PPP4R2: variants seen among roughly 807,000 people sequenced by gnomAD.
The protein encoded by PPP4R2 is serine/threonine-protein phosphatase 4 regulatory subunit 2.
PPP4R2 carries 13 observed loss-of-function variants against 47.2 expected under a neutral mutation model. That is an observed-to-expected ratio of 0.28 (90% confidence interval 0.18 to 0.44). The LOEUF (loss-of-function observed/expected upper bound fraction) is 0.44. Among genes scored for constraint, PPP4R2 ranks in the 20% least tolerant of loss-of-function variants. PPP4R2 has a pLI of 1.00. For synonymous variants in PPP4R2, 151 were observed against 163.3 expected, an observed-to-expected ratio of 0.92 and a Z score of 0.57; for missense variants, 421 against 491.2, an observed-to-expected ratio of 0.86 and a Z score of 1.35.
chr3:73,048,311 G>A (rs1043133913), intron 3 of PPP4R2, among the ~76,000 whole-genome samples: 1 of 152,204 alleles, frequency 6.6e-6, no homozygotes, highest in Non-Finnish European at 1.5e-5. Context: ...GGAGTGCAGT[G>A]GCATGATCTC....
chr3:73,026,336 T>C (rs1702062336), intron 2 of PPP4R2, among the ~76,000 whole-genome samples: 1 of 152,178 alleles, frequency 6.6e-6, no homozygotes, highest in Admixed American at 6.5e-5. Flanking sequence ...TTTGTGTACA[T>C]TTTTTCTCCC....
In PPP4R2 at chr3:73,003,409, C is replaced by T. The variant is rs959353434; in HGVS notation, c.116+5251C>T. On this transcript the variant is annotated intron_variant, in intron 2 of 8. Transcript: ENST00000356692. ...TGTGTTTTTAGTAGAGACGGGGTTT[C>T]GCTGTGTTGAACAGGCTGTTCTCGA... Among the ~76,000 whole-genome samples the T allele has an allele frequency of 5.3e-5, 8 of 151,988 alleles. No individual in the cohort carries two copies. The East Asian group carries it at 9.7e-4, about 18-fold the overall frequency.
chr3:73,027,693 TG>T (rs1702093564), intron 2 of PPP4R2: 1 of 151,800 alleles, frequency 6.6e-6, no homozygotes, highest in Non-Finnish European at 1.5e-5. Context: ...TGTTTGTGTG[TG>T]TGAATAAATA....
At chr3:73,029,034 C>T (rs890910374) in intron 2 of PPP4R2, among the ~76,000 whole-genome samples, 3 of 152,210 alleles carry the variant, frequency 2.0e-5, no homozygotes, top group Non-Finnish European at 4.4e-5. Flanking sequence ...CAGCCTCGAA[C>T]TCCTGGGCTC....
intron 2 of PPP4R2, among the ~76,000 whole-genome samples, chr3:73,026,612 G>A (rs1482221978): frequency 6.6e-6 from 1 of 152,152 alleles, no homozygotes; most frequent in Non-Finnish European, 1.5e-5. Flanking sequence ...AGCTTATACA[G>A]CCCGCAGGCT....
chr3:73,062,246 A>G (rs374115956), intron 5 of PPP4R2: 236 of 1,599,284 alleles, frequency 1.5e-4, no homozygotes, highest in Non-Finnish European at 1.9e-4. Flanking sequence ...GAAAGGACTC[A>G]CAGCCCAGCA....
intron 4 of PPP4R2, 129 bp downstream of exon 4, chr3:73,059,259 CCCAAATTGTTTT>C (rs1375697852): frequency 1.8e-6 from 1 of 546,750 alleles, no homozygotes; most frequent in African/African-American, 2.0e-5. Context: ...CCTTGAGTTT[CCCAAATTGTTTT>C]CCAAATTGCA....
intron 5 of PPP4R2, chr3:73,061,376 G>A (rs1702855313): frequency 5.8e-6 from 1 of 171,626 alleles, no homozygotes; most frequent in Admixed American, 6.3e-5. Flanking sequence ...GTGTCTCTAG[G>A]GCATAATTCC....
chr3:73,052,651 C>G (rs963677660), intron 3 of PPP4R2, among the ~76,000 whole-genome samples: 3 of 152,086 alleles, frequency 2.0e-5, no homozygotes, highest in African/African-American at 7.2e-5. Context: ...TTTATGTTCT[C>G]TGAATTTTTC....
chr3:73,055,562 A>ATG, intron 3 of PPP4R2, among the ~76,000 whole-genome samples: 1 of 151,344 alleles, frequency 6.6e-6, no homozygotes, highest in East Asian at 1.9e-4. Context: ...AAAATTTGAG[A>ATG]TGCTAGCTAG....
intron 2 of PPP4R2, among the ~76,000 whole-genome samples, chr3:73,000,809 T>TA (rs1353527569): frequency 6.6e-6 from 1 of 152,254 alleles, no homozygotes; most frequent in Non-Finnish European, 1.5e-5. Flanking sequence ...GACATCATGC[T>TA]AAATATATAG....
chr3:73,048,873 G>GAA (rs1469913509), intron 3 of PPP4R2, among the ~76,000 whole-genome samples: 1 of 152,102 alleles, frequency 6.6e-6, no homozygotes, highest in Non-Finnish European at 1.5e-5. Flanking sequence ...AATTTTGCTT[G>GAA]AAATGTCAAA....
rs542720006 is a variant in PPP4R2, at chr3:73,039,415, G to C, written c.117-7771G>C. ...AGGGATTACAGGTGTGAGCCACCATGCCTGGCCAAAAACAATACTTTTTAC... is the reference window on the plus strand; with the variant it reads ...AGGGATTACAGGTGTGAGCCACCATCCCTGGCCAAAAACAATACTTTTTAC... On this transcript the variant is annotated intron_variant, in intron 2 of 8. Transcript: ENST00000356692. 2.0e-5 allele frequency among the ~76,000 whole-genome samples: 3 copies of C among 152,328 alleles called. No individual in the cohort carries two copies. The South Asian group carries it at 6.2e-4, about 32-fold the overall frequency.
In PPP4R2 at chr3:73,016,744, T is replaced by A. The variant is rs893620625; in HGVS notation, c.116+18586T>A. Among the ~76,000 whole-genome samples the A allele has an allele frequency of 4.6e-5, 6 of 131,370 alleles. 1 individual carries two copies. The highest frequency in any genetic ancestry group is 1.7e-4 in the African/African-American group (6 of 36,276). 86.2% of individuals were successfully genotyped at this position (131,370 alleles called of 152,430 possible). On this transcript the variant is annotated intron_variant, in intron 2 of 8. Coordinates refer to ENST00000356692, the MANE Select transcript of PPP4R2 (RefSeq NM_174907.4). ...TTGGTTCATTGTTTATTTTTATTATTTTTTTTTTTTAATACAGAGTCTCAC... is the reference window on the plus strand; with the variant it reads ...TTGGTTCATTGTTTATTTTTATTATATTTTTTTTTTAATACAGAGTCTCAC...
rs542770809 is a variant in PPP4R2, at chr3:73,021,324, C to T, written c.116+23166C>T. Among the ~76,000 whole-genome samples, 10 of 151,704 alleles carry T rather than the reference C, an allele frequency of 6.6e-5. No homozygotes were observed. In the South Asian group the frequency reaches 1.5e-3, roughly 22 times the overall value. On this transcript the variant is annotated intron_variant, in intron 2 of 8. Transcript: ENST00000356692. ...TCACTACTCACTGTAGCCTCAATCT[C>T]CCTGGCTCAGGTGATCCTCCCGCCT...
chr3:73,013,755 C>T lies in PPP4R2; in HGVS notation c.116+15597C>T, dbSNP rs549364970. On this transcript the variant is annotated intron_variant, in intron 2 of 8. Transcript: ENST00000356692. ...CTGGTTTCAAGCAATTTTTCTGCCTCAGCCTCCCGAGTAGGTGGGATTACG... is the reference window on the plus strand; with the variant it reads ...CTGGTTTCAAGCAATTTTTCTGCCTTAGCCTCCCGAGTAGGTGGGATTACG... 9.9e-5 allele frequency among the ~76,000 whole-genome samples: 15 copies of T among 152,230 alleles called. No homozygotes were observed. The East Asian group carries it at 2.9e-3, about 29-fold the overall frequency.
intron 2 of PPP4R2, among the ~76,000 whole-genome samples, chr3:73,033,958 G>C (rs1267372448): frequency 6.6e-6 from 1 of 152,172 alleles, no homozygotes; most frequent in African/African-American, 2.4e-5. Context: ...CGGTAGTTCT[G>C]TGTTTAACTT....
intron 2 of PPP4R2, among the ~76,000 whole-genome samples, chr3:73,040,518 T>TTTTTTTTTG (rs1702356192): frequency 8.4e-6 from 1 of 119,206 alleles, no homozygotes. Context: ...TTTTTTTTTT[T>TTTTTTTTTG]GGAGACAGTC....
intron 2 of PPP4R2, among the ~76,000 whole-genome samples, chr3:73,036,547 A>C (rs974194907): frequency 4.6e-5 from 7 of 152,146 alleles, no homozygotes; most frequent in South Asian, 4.1e-4. Flanking sequence ...TTATCTTTTT[A>C]GTTTTGTCAT....
Sources: gnomAD v4.1 joint callset for allele counts (sites outside exome capture counted in the v4.1 genomes callset) on GRCh38, gnomAD v4.1.1 for gene constraint, MANE v1.5 for transcripts, NCBI Gene and HGNC (gene_info 2026-07-23, HGNC 2026-07-21) for gene names.